The following TMEM132B variants were observed in gnomAD, a reference collection of about 807,000 sequenced individuals.
TMEM132B encodes transmembrane protein 132B.
TMEM132B carries 18 observed loss-of-function variants against 90.8 expected under a neutral mutation model. The ratio of observed to expected loss-of-function variants is 0.20; its 90% CI spans 0.14 to 0.29. The LOEUF (loss-of-function observed/expected upper bound fraction) is 0.29. Ranked by LOEUF, TMEM132B falls within the 10% of genes least tolerant of loss-of-function variation. The probability of loss-of-function intolerance (pLI) is 1.00; values close to 1 mark genes in which losing one functional copy is unlikely to be tolerated. For synonymous variants in TMEM132B, 504 were observed against 523.3 expected (o/e 0.96, Z 0.50); for missense variants, 1,096 against 1,326.8 (o/e 0.83, Z 2.70).
At chr12:125,521,857 C>T (rs1444311780) in intron 4 of TMEM132B, among the ~76,000 whole-genome samples, 1 of 152,186 alleles carries the variant, frequency 6.6e-6, no homozygotes, top group African/African-American at 2.4e-5. Context: ...GAGGCATAAG[C>T]TTAGGAAGCA....
intron 1 of TMEM132B, among the ~76,000 whole-genome samples, chr12:125,345,454 T>A (rs1348712097): frequency 6.6e-6 from 1 of 152,198 alleles, no homozygotes; most frequent in African/African-American, 2.4e-5. Context: ...TTTTGTGTGC[T>A]AAGCACAGCA....
intron 1 of TMEM132B, among the ~76,000 whole-genome samples, chr12:125,329,421 G>T (rs567113498): frequency 6.6e-6 from 1 of 152,300 alleles, no homozygotes; most frequent in Non-Finnish European, 1.5e-5. Flanking sequence ...TTCTTGTCTT[G>T]CTAAGTAGGG....
chr12:125,366,064 C>G (rs1404193862), intron 2 of TMEM132B, among the ~76,000 whole-genome samples: 2 of 152,024 alleles, frequency 1.3e-5, no homozygotes, highest in Non-Finnish European at 2.9e-5. Flanking sequence ...CTCTCTACCT[C>G]CAAGAGGCCC....
intron 1 of TMEM132B, among the ~76,000 whole-genome samples, chr12:125,321,373 A>C (rs1024681767): frequency 1.3e-5 from 2 of 152,226 alleles, no homozygotes; most frequent in African/African-American, 4.8e-5. Flanking sequence ...TGACTAAAAT[A>C]AAAAACCTGG....
chr12:125,348,597 C>T (rs776152039), intron 1 of TMEM132B, among the ~76,000 whole-genome samples: 6 of 151,648 alleles, frequency 4.0e-5, no homozygotes, highest in South Asian at 2.1e-4. Flanking sequence ...GGCTTCCCAA[C>T]GTGCTGGGAT....
At chr12:125,528,757 C>T (rs1883562569) in intron 4 of TMEM132B, among the ~76,000 whole-genome samples, 2 of 152,164 alleles carry the variant, frequency 1.3e-5, no homozygotes, top group African/African-American at 2.4e-5. Context: ...GACTAGAAGC[C>T]TTACTGACAA....
intron 1 of TMEM132B, among the ~76,000 whole-genome samples, chr12:125,326,033 A>C (rs764122461): frequency 6.6e-6 from 1 of 152,100 alleles, no homozygotes; most frequent in Non-Finnish European, 1.5e-5. Context: ...GTGCAGTGAC[A>C]TTTGGGGGTT....
chr12:125,234,179 G>GTGTGA (rs1193124631), intron 1 of TMEM132B, among the ~76,000 whole-genome samples: 1 of 152,186 alleles, frequency 6.6e-6, no homozygotes, highest in Non-Finnish European at 1.5e-5. Flanking sequence ...GCTGGGCTGT[G>GTGTGA]TGTGATGTGA....
chr12:125,522,089 G>A (rs544887485), intron 4 of TMEM132B, among the ~76,000 whole-genome samples: 24 of 152,178 alleles, frequency 1.6e-4, no homozygotes, highest in Middle Eastern at 3.4e-3. Context: ...TGGCTCCCTC[G>A]GCCCAGAATG....
intron 2 of TMEM132B, among the ~76,000 whole-genome samples, chr12:125,366,229 T>A (rs948405690): frequency 5.9e-5 from 9 of 152,086 alleles, no homozygotes; most frequent in Non-Finnish European, 1.2e-4. Context: ...TGAATAATAT[T>A]GCTGTGTGTG....
At chr12:125,207,067 A>G (rs1307656161) in intron 1 of TMEM132B, among the ~76,000 whole-genome samples, 1 of 152,228 alleles carries the variant, frequency 6.6e-6, no homozygotes, top group East Asian at 1.9e-4. Context: ...ACTGGTTATC[A>G]ACCAGCATCT....
intron 3 of TMEM132B, among the ~76,000 whole-genome samples, chr12:125,417,786 G>A (rs1180242709): frequency 6.6e-6 from 1 of 152,214 alleles, no homozygotes; most frequent in Non-Finnish European, 1.5e-5. Flanking sequence ...ACTTCAGGGA[G>A]AAAGCTGCTG....
intron 4 of TMEM132B, among the ~76,000 whole-genome samples, chr12:125,560,161 C>T (rs771064612): frequency 6.6e-5 from 10 of 152,146 alleles, no homozygotes; most frequent in Admixed American, 2.0e-4. Flanking sequence ...TGTGCTGGAA[C>T]GTGAACCAAT....
chr12:125,419,266 G>A (rs1880106515), intron 3 of TMEM132B, among the ~76,000 whole-genome samples: 1 of 152,214 alleles, frequency 6.6e-6, no homozygotes, highest in African/African-American at 2.4e-5. Flanking sequence ...GAAGGGTACT[G>A]TATTAGTCTG....
At chr12:125,606,304 G>A (rs566260677) in intron 5 of TMEM132B, among the ~76,000 whole-genome samples, 1 of 145,014 alleles carries the variant, frequency 6.9e-6, no homozygotes, top group Non-Finnish European at 1.5e-5. Flanking sequence ...GGCAAGGACT[G>A]ATTTCTTTCC....
chr12:125,519,280 C>A (rs1883244821), intron 3 of TMEM132B, among the ~76,000 whole-genome samples, 159 bp from the exon 4 acceptor site: 1 of 152,192 alleles, frequency 6.6e-6, no homozygotes, highest in South Asian at 2.1e-4. Context: ...TGCTGATGGG[C>A]AGCTGTGAAT....
intron 4 of TMEM132B, among the ~76,000 whole-genome samples, chr12:125,580,386 G>C (rs1006897547): frequency 3.9e-5 from 6 of 152,052 alleles, no homozygotes; most frequent in Admixed American, 6.6e-5. Context: ...TGAACTGAGA[G>C]TGAAGCCAAA....
Position 125,254,682 on chromosome 12 carries a change from C to CTTT in TMEM132B, c.67+67832_67+67834dup, listed in dbSNP as rs71447039. ...GAATGGGCCTAGGAGCCTCTTCCTA[C>CTTT]TTTTTTTTTTTTTTTTTTCAGATGG... On this transcript the variant is annotated intron_variant, in intron 1 of 8. Transcript: ENST00000682704. Among the ~76,000 whole-genome samples the CTTT allele has an allele frequency of 4.2e-4, 56 of 132,338 alleles. 3 individuals are homozygous for CTTT. Among genetic ancestry groups the CTTT allele is most frequent in the Middle Eastern group, 7.5e-3 (2 of 266 alleles). 86.8% of individuals were successfully genotyped at this position (132,338 alleles called of 152,430 possible).
In TMEM132B at chr12:125,415,090, T is replaced by A. The variant is rs1350743435; in HGVS notation, c.960-441T>A. ...CCTGCTCCCAGAGTGCCCAGTGCAATGGCCTCCTCTTCCATCCCCTGGGCT... is the reference window on the plus strand; with the variant it reads ...CCTGCTCCCAGAGTGCCCAGTGCAAAGGCCTCCTCTTCCATCCCCTGGGCT... On this transcript the variant is annotated intron_variant, in intron 2 of 8. Coordinates refer to ENST00000682704, the MANE Select transcript of TMEM132B (RefSeq NM_001366854.1). The surrounding 1 kb of genome is among the most constrained non-coding windows in gnomAD (Gnocchi z 5.3). 6.6e-6 allele frequency among the ~76,000 whole-genome samples: 1 copy of A among 152,162 alleles called. No individual in the cohort carries two copies. Among genetic ancestry groups the A allele is most frequent in the Non-Finnish European group, 1.5e-5 (1 of 68,026 alleles).
Sources: gnomAD v4.1 joint callset for allele counts (sites outside exome capture counted in the v4.1 genomes callset) on GRCh38, gnomAD v4.1.1 for gene constraint, Gnocchi (gnomAD v3.1) non-coding constraint, MANE v1.5 for transcripts, NCBI Gene and HGNC (gene_info 2026-07-23, HGNC 2026-07-21) for gene names.